Variants in ZFP37 observed in about 807,000 individuals in gnomAD.
ZFP37 encodes ZFP37 zinc finger protein, also known as zinc finger protein 37 homolog.
Under a neutral mutation model 52.1 loss-of-function variants are expected in ZFP37, and 38 were observed. The ratio of observed to expected loss-of-function variants is 0.73; its 90% CI spans 0.56 to 0.96. The LOEUF is 0.96. Among genes scored for constraint, ZFP37 ranks in the 40% least tolerant of loss-of-function variants. The probability of loss-of-function intolerance (pLI) is 0.00; values close to 1 mark genes in which losing one functional copy is unlikely to be tolerated. For missense variants in ZFP37, 695 were observed against 741.4 expected (o/e 0.94, Z 0.73); for synonymous variants, 253 against 259.5 (o/e 0.98, Z 0.24).
At chr9:113,046,223 C>CAGAT (rs3033197) in intron 3 of ZFP37, among the ~76,000 whole-genome samples, 126,052 of 148,202 alleles carry the variant, frequency 0.85, 53,543 homozygotes, top group East Asian at 0.94. Flanking sequence ...TATATATAGA[C>CAGAT]ATATATCTAT....
Position 113,044,218 on chromosome 9 carries a change from T to C in ZFP37, c.400A>G (p.Lys134Glu). ...QLENIQKSQN[K>E]LLREVAVKKK... Reference sequence around the variant, plus strand: ...TTGACTGCAACTTCCCTGAGGAGTTTGTTTTGAGATTTCTGGATATTTTCA... The same window carrying C: ...TTGACTGCAACTTCCCTGAGGAGTTCGTTTTGAGATTTCTGGATATTTTCA... The change falls in exon 4 of 4, where the codon AAA becomes GAA. Residue 134 changes from lysine to glutamate, a missense_variant. Around this residue, in one of 2 missense-constraint regions of ZFP37, gnomAD observed 369 missense variants for 340.9 expected, o/e 1.08. Transcript: ENST00000374227. The C allele has an allele frequency of 1.3e-6, 2 of 1,578,874 alleles. No homozygotes were observed. Among genetic ancestry groups the C allele is most frequent in the South Asian group, 2.4e-5 (2 of 84,348 alleles).
intron 1 of ZFP37, among the ~76,000 whole-genome samples, chr9:113,054,173 G>T (rs1307465275): frequency 6.6e-6 from 1 of 152,110 alleles, no homozygotes; most frequent in Non-Finnish European, 1.5e-5. Context: ...AAAATCAAAT[G>T]ATCTCTAGTC....
In ZFP37 at chr9:113,042,612, T is replaced by A; in HGVS notation, c.*113A>T. The A allele has an allele frequency of 1.2e-6, 1 of 867,590 alleles. No homozygotes were observed. The highest frequency in any genetic ancestry group is 2.8e-5 in the East Asian group (1 of 35,760). 53.7% of individuals were successfully genotyped at this position (867,590 alleles called of 1,614,324 possible). Reference sequence around the variant, plus strand: ...GAAGATCCATTTTCAAAGTTTCTCATGTACAACAAGGTGTGACATCTTGCT... The same window carrying A: ...GAAGATCCATTTTCAAAGTTTCTCAAGTACAACAAGGTGTGACATCTTGCT... On this transcript the variant is annotated 3_prime_UTR_variant, in exon 4 of 4. Coordinates refer to ENST00000374227, the MANE Select transcript of ZFP37 (RefSeq NM_003408.3).
At position 113,039,349 on chromosome 9, in the gene ZFP37, T is replaced by C. The variant is rs989759281; in HGVS notation, c.*3376A>G. 1 of 152,146 alleles carries C rather than the reference T, an allele frequency of 6.6e-6. No homozygotes were observed. The highest frequency in any genetic ancestry group is 2.4e-5 in the African/African-American group (1 of 41,436). 9.4% of individuals were successfully genotyped at this position (152,146 alleles called of 1,614,324 possible). On this transcript the variant is annotated 3_prime_UTR_variant, in exon 4 of 4. Coordinates refer to ENST00000374227, the MANE Select transcript of ZFP37 (RefSeq NM_003408.3). ...TTTAAAAAAATGTTTCCACTTTTTT[T>C]CCTCTTCTTTATGTCAGAGGAGTTT...
rs1007407928 is a variant in ZFP37 at position 113,041,787 on chromosome 9, G to A, written c.*938C>T. 9 of 152,044 alleles carry A rather than the reference G, an allele frequency of 5.9e-5. No individual in the cohort carries two copies. Among genetic ancestry groups the A allele is most frequent in the African/African-American group, 2.2e-4 (9 of 41,380 alleles). 9.4% of individuals were successfully genotyped at this position (152,044 alleles called of 1,614,324 possible). ...ACATGTTGATCTCACATGTTGTGGA[G>A]GGGCTCAGTGACAACCTTAAATAAT... On this transcript the variant is annotated 3_prime_UTR_variant, in exon 4 of 4. Coordinates refer to ENST00000374227, the MANE Select transcript of ZFP37 (RefSeq NM_003408.3).
In ZFP37 at chr9:113,040,461, G is replaced by A. The variant is rs1828828266; in HGVS notation, c.*2264C>T. ...GATAAATAAGTTACTTGGAAATGAGGGGATATATTCATGAGTTGAGCTTTC... is the reference window on the plus strand; with the variant it reads ...GATAAATAAGTTACTTGGAAATGAGAGGATATATTCATGAGTTGAGCTTTC... On this transcript the variant is annotated 3_prime_UTR_variant, in exon 4 of 4. Transcript: ENST00000374227. 1 of 152,144 alleles carries A rather than the reference G, an allele frequency of 6.6e-6. No homozygotes were observed. The highest frequency in any genetic ancestry group is 1.5e-5 in the Non-Finnish European group (1 of 68,028). The allele number at this position is 152,144 out of a possible 1,614,324, so 9.4% of individuals were successfully genotyped here.
intron 3 of ZFP37, among the ~76,000 whole-genome samples, chr9:113,044,972 A>C (rs958975899): frequency 1.8e-4 from 27 of 151,888 alleles, no homozygotes; most frequent in African/African-American, 6.5e-4. Context: ...GTTCCTTCCT[A>C]GTTCCTATTT....
intron 1 of ZFP37, among the ~76,000 whole-genome samples, 196 bp downstream of exon 1, chr9:113,056,361 A>G (rs776897127): frequency 5.9e-5 from 9 of 152,078 alleles, no homozygotes; most frequent in Non-Finnish European, 1.0e-4. Context: ...GTCTCTGCAG[A>G]TCCCTCCTAA....
At chr9:113,053,434 C>T (rs1434159046) in intron 1 of ZFP37, among the ~76,000 whole-genome samples, 3 of 152,314 alleles carry the variant, frequency 2.0e-5, no homozygotes, top group Non-Finnish European at 4.4e-5. Flanking sequence ...TGAAACCTTG[C>T]AACTGAACAT....
intron 1 of ZFP37, among the ~76,000 whole-genome samples, chr9:113,050,279 A>G (rs910355683): frequency 3.3e-5 from 5 of 152,038 alleles, no homozygotes; most frequent in Admixed American, 2.6e-4. Context: ...CCAGCTACTC[A>G]GGAGGCTGAA....
rs368668695 is a variant in ZFP37, at chr9:113,041,622, CTA to C, written c.*1101_*1102del. The C allele has an allele frequency of 6.3e-3, 952 of 152,240 alleles. 9 individuals carry two copies. The highest frequency in any genetic ancestry group is 0.021 in the African/African-American group (884 of 41,536). 9.4% of individuals were successfully genotyped at this position (152,240 alleles called of 1,614,324 possible). On this transcript the variant is annotated 3_prime_UTR_variant, in exon 4 of 4. Coordinates refer to ENST00000374227, the MANE Select transcript of ZFP37 (RefSeq NM_003408.3). ...GTAGAAACAGTGCTGTTATAATTCA[CTA>C]TGTTAATGAAAGAACTTGTGTGTGA...
chr9:113,042,999 GTATGAACTCTCTGATGTTGA>G lies in ZFP37; in HGVS notation c.1599_1618del (p.Gln534TrpfsTer6). ...ATTACACTCATACGGTTTCTCTCCA[GTATGAACTCTCTGATGTTGA>G]GTAAGGCCTTCAATTTGTTTAAAGC... On this transcript the variant is annotated frameshift_variant, in exon 4 of 4. Coordinates refer to ENST00000374227, the MANE Select transcript of ZFP37 (RefSeq NM_003408.3). LOFTEE classifies it high-confidence loss of function. 3.1e-6 allele frequency: 5 copies of G among 1,613,864 alleles called. No homozygotes were observed. Among genetic ancestry groups the G allele is most frequent in the Non-Finnish European group, 4.2e-6 (5 of 1,179,930 alleles).
In ZFP37 at chr9:113,043,228, T is replaced by C. The variant is rs147351458; in HGVS notation, c.1390A>G (p.Asn464Asp). The C allele has an allele frequency of 1.6e-5, 26 of 1,613,822 alleles. No individual in the cohort carries two copies. The highest frequency in any genetic ancestry group is 2.0e-5 in the Non-Finnish European group (24 of 1,179,980). ...TTGCTGAAAGCTTTCCCACATTCAT[T>C]ACATTCAAAGGGTTTCTCACCTGTA... ...IHTGEKPFEC[N>D]ECGKAFSKKS... The change falls in exon 4 of 4, where the codon AAT becomes GAT. Residue 464 changes from asparagine (N) to aspartate (D), a missense_variant. Around this residue, in one of 2 missense-constraint regions of ZFP37, gnomAD observed 326 missense variants for 400.5 expected, o/e 0.81. Coordinates refer to ENST00000374227, the MANE Select transcript of ZFP37 (RefSeq NM_003408.3).
chr9:113,050,548 T>C (rs1013357359), intron 1 of ZFP37, among the ~76,000 whole-genome samples: 2 of 151,838 alleles, frequency 1.3e-5, no homozygotes, highest in Non-Finnish European at 2.9e-5. Flanking sequence ...TAAAAGGCTA[T>C]TGAGCAGTAT....
chr9:113,044,396 A>G, intron 3 of ZFP37, 128 bp from the exon 4 acceptor site: 1 of 771,892 alleles, frequency 1.3e-6, no homozygotes, highest in Non-Finnish European at 1.9e-6. Context: ...AATGTGAATG[A>G]AACAACTAGG....
chr9:113,046,850 C>T (rs1828966323), intron 3 of ZFP37, among the ~76,000 whole-genome samples: 1 of 152,184 alleles, frequency 6.6e-6, no homozygotes, highest in South Asian at 2.1e-4. Flanking sequence ...TGGCTTAAGC[C>T]TGTAATCCCA....
Position 113,049,398 on chromosome 9 carries a change from T to A in ZFP37, c.313A>T (p.Lys105Ter). 1 of 1,614,160 alleles carries A rather than the reference T, an allele frequency of 6.2e-7. No individual in the cohort carries two copies. The highest frequency in any genetic ancestry group is 8.5e-7 in the Non-Finnish European group (1 of 1,179,996). The change falls in exon 3 of 4, where the codon AAA (lysine) becomes TAA (stop). Residue 105 changes from lysine to a stop codon, truncating the protein, a stop_gained. Coordinates refer to ENST00000374227, the MANE Select transcript of ZFP37 (RefSeq NM_003408.3). LOFTEE classifies it high-confidence loss of function. ...TCTTTTTGCTTGGGTCTTGCTATTT[T>A]ACTTGGACAACCTTGACTGGGTCTT... ...GKRPSQGCPS[K>*]IARPKQKETD...
intron 1 of ZFP37, among the ~76,000 whole-genome samples, chr9:113,053,868 C>T (rs1829098339): frequency 6.6e-6 from 1 of 152,192 alleles, no homozygotes; most frequent in Admixed American, 6.5e-5. Context: ...CCTGCAAGTA[C>T]CTCTTTCTGT....
At chr9:113,051,332 G>A (rs1376979173) in intron 1 of ZFP37, among the ~76,000 whole-genome samples, 3 of 152,134 alleles carry the variant, frequency 2.0e-5, no homozygotes, top group African/African-American at 7.2e-5. Flanking sequence ...GCAGGTGGGG[G>A]AGGACGGCAC....
Sources: gnomAD v4.1 joint callset for allele counts (sites outside exome capture counted in the v4.1 genomes callset) on GRCh38, gnomAD v4.1.1 for gene constraint, gnomAD v4.1.1 regional missense constraint, MANE v1.5 for transcripts, NCBI Gene and HGNC (gene_info 2026-07-23, HGNC 2026-07-21) for gene names.